EFR3A: variants seen among roughly 807,000 people sequenced by gnomAD.
EFR3A encodes the protein protein EFR3 homolog A.
In EFR3A, 76 loss-of-function variants were observed where a neutral mutation model predicts 104.4. That is an observed-to-expected ratio of 0.73 (90% confidence interval 0.60 to 0.88). The LOEUF (loss-of-function observed/expected upper bound fraction) is 0.88, where lower values mean the gene tolerates loss of function less well. EFR3A is among the 40% of genes least tolerant of loss of function. EFR3A has a pLI of 0.00. For missense variants in EFR3A, 985 were observed against 1,012.5 expected (o/e 0.97, Z 0.37); for synonymous variants, 330 against 330.0 (o/e 1.00, Z 0.00).
Position 131,977,112 on chromosome 8 carries a change from T to G in EFR3A, c.1326+20T>G. On this transcript the variant is annotated intron_variant, in intron 12 of 22. Coordinates refer to ENST00000254624, the MANE Select transcript of EFR3A (RefSeq NM_015137.6). The stretch of plus-strand genomic sequence containing the variant: ...CTTATGGTAAGGCATTTAAGACAAA[T>G]AAAGGACACACTTAACCTTAAATTA... The G allele has an allele frequency of 6.4e-7, 1 of 1,570,724 alleles. No homozygotes were observed. The highest frequency in any genetic ancestry group is 8.7e-7 in the Non-Finnish European group (1 of 1,150,000).
chr8:131,992,424 C>A (rs1333958072), intron 18 of EFR3A, among the ~76,000 whole-genome samples: 1 of 152,146 alleles, frequency 6.6e-6, no homozygotes, highest in East Asian at 1.9e-4. Context: ...AGCCTTCATG[C>A]AGTAGAACCT....
chr8:131,928,149 T>C (rs1817397882), intron 1 of EFR3A, among the ~76,000 whole-genome samples: 1 of 151,876 alleles, frequency 6.6e-6, no homozygotes, highest in Non-Finnish European at 1.5e-5. Context: ...CCTAATTGAT[T>C]GGTTGACTAG....
At chr8:131,969,974 C>T (rs369097490) in intron 9 of EFR3A, among the ~76,000 whole-genome samples, 10 of 152,044 alleles carry the variant, frequency 6.6e-5, no homozygotes, top group South Asian at 2.1e-4. Flanking sequence ...ATACAAAAAG[C>T]GAGAACAAAT....
At chr8:131,964,845 A>G (rs1044249365) in intron 8 of EFR3A, among the ~76,000 whole-genome samples, 1 of 152,228 alleles carries the variant, frequency 6.6e-6, no homozygotes, top group Admixed American at 6.5e-5. Flanking sequence ...CCAAAACAGC[A>G]TGGTACTGGT....
At chr8:131,975,493 C>T (rs1018698751) in intron 10 of EFR3A, among the ~76,000 whole-genome samples, 3 of 148,426 alleles carry the variant, frequency 2.0e-5, no homozygotes, top group Non-Finnish European at 3.0e-5. Flanking sequence ...CTTGGCTCAC[C>T]GCGACCTCCA....
chr8:131,911,959 G>A (rs1380963091), intron 1 of EFR3A, among the ~76,000 whole-genome samples: 1 of 152,200 alleles, frequency 6.6e-6, no homozygotes, highest in East Asian at 1.9e-4. Flanking sequence ...GGGAAAGTTA[G>A]AGTAATATTT....
At chr8:132,008,794 C>T (rs1822167712) in intron 22 of EFR3A, among the ~76,000 whole-genome samples, 2 of 117,880 alleles carry the variant, frequency 1.7e-5, no homozygotes, top group Admixed American at 1.2e-4. Context: ...TACAGTGAGC[C>T]AAGATCACAC....
At position 131,926,552 on chromosome 8, in the gene EFR3A, T is replaced by C. The variant is rs374561625; in HGVS notation, c.11-13947T>C. ...ATTACATTTTAAGATATATGTCTGCTTACTGCCAAAACTTATTTACTTTAT... is the reference window on the plus strand; with the variant it reads ...ATTACATTTTAAGATATATGTCTGCCTACTGCCAAAACTTATTTACTTTAT... On this transcript the variant is annotated intron_variant, in intron 1 of 22. Transcript: ENST00000254624. Among the ~76,000 whole-genome samples the C allele has an allele frequency of 5.3e-5, 8 of 152,280 alleles. No homozygotes were observed. In the East Asian group the frequency reaches 1.4e-3, roughly 26 times the overall value.
chr8:132,001,436 C>T (rs904965032), intron 19 of EFR3A, among the ~76,000 whole-genome samples: 19 of 152,092 alleles, frequency 1.2e-4, no homozygotes, highest in African/African-American at 4.4e-4. Flanking sequence ...GTCAGTGGGA[C>T]TCAAATCTTC....
At chr8:131,923,502 GT>G (rs917163877) in intron 1 of EFR3A, among the ~76,000 whole-genome samples, 2,329 of 111,508 alleles carry the variant, frequency 0.021, 24 homozygotes, top group African/African-American at 0.043. Flanking sequence ...ATGTCAGGGT[GT>G]TTTTTTTTTT....
At chr8:131,954,396 C>G (rs1818871631) in intron 6 of EFR3A, among the ~76,000 whole-genome samples, 2 of 151,832 alleles carry the variant, frequency 1.3e-5, no homozygotes, top group South Asian at 4.1e-4. Flanking sequence ...GCTACCCACA[C>G]TGTATTTTAT....
intron 19 of EFR3A, among the ~76,000 whole-genome samples, chr8:131,997,095 G>A (rs1821533814): frequency 6.6e-6 from 1 of 152,010 alleles, no homozygotes; most frequent in Admixed American, 6.6e-5. Context: ...AAAAGCACAA[G>A]AGTGTACCCT....
In EFR3A at chr8:132,002,835, G is replaced by T. The variant is rs1821852001; in HGVS notation, c.2310+129G>T. 3 of 694,172 alleles carry T rather than the reference G, an allele frequency of 4.3e-6. No individual in the cohort carries two copies. In the East Asian group the frequency reaches 8.2e-5, roughly 19 times the overall value. The allele number at this position is 694,172 out of a possible 1,614,324, so 43.0% of individuals were successfully genotyped here. A position where few individuals can be genotyped will look rare whatever the true frequency, so the allele number is the denominator to read the frequency against. ...AACACAGGAAAATATATCAGATAAGGACTGAAACTCTGAAGGCATATCTAT... is the reference window on the plus strand; with the variant it reads ...AACACAGGAAAATATATCAGATAAGTACTGAAACTCTGAAGGCATATCTAT... On this transcript the variant is annotated intron_variant, in intron 21 of 22. Transcript: ENST00000254624.
chr8:131,924,143 A>G (rs1300029397), intron 1 of EFR3A: 3 of 440,168 alleles, frequency 6.8e-6, no homozygotes, highest in African/African-American at 6.1e-5. Context: ...GGACCAATGT[A>G]GAGATCATTT....
At position 131,940,533 on chromosome 8, in the gene EFR3A, CT is replaced by C; in HGVS notation, c.46del (p.Tyr16ThrfsTer18). 6.2e-7 allele frequency: 1 copy of C among 1,607,734 alleles called. No individual in the cohort carries two copies. The highest frequency in any genetic ancestry group is 1.3e-5 in the African/African-American group (1 of 74,428). ...GCTGCTGTTCCGCTTTGCGTCCTCG[CT>C]ACAAACGCCTGGTGGACAACATATT... ...CCCCSALRPR[Y>X]KRLVDNIFPE... On this transcript the variant is annotated frameshift_variant, in exon 2 of 23. Transcript: ENST00000254624. LOFTEE classifies it high-confidence loss of function.
At chr8:131,944,515 C>A (rs961672947) in intron 2 of EFR3A, among the ~76,000 whole-genome samples, 1 of 151,982 alleles carries the variant, frequency 6.6e-6, no homozygotes, top group Non-Finnish European at 1.5e-5. Context: ...ATGTTAGAGT[C>A]TAATTCACTG....
chr8:131,964,023 G>A (rs55668318), intron 8 of EFR3A, among the ~76,000 whole-genome samples: 19 of 151,974 alleles, frequency 1.3e-4, no homozygotes, highest in East Asian at 3.9e-4. Context: ...ATTCAACAAC[G>A]CTTCATGCTA....
rs530869506 is a variant in EFR3A at position 131,915,968 on chromosome 8, G to A, written c.10+11646G>A. ...ACATATGGACACCAACAGGGGTGTC[G>A]TCCCTGCCCTCATGGATCTTGGTCT... On this transcript the variant is annotated intron_variant, in intron 1 of 22. Transcript: ENST00000254624. Among the ~76,000 whole-genome samples the A allele has an allele frequency of 7.2e-5, 11 of 152,274 alleles. No homozygotes were observed. The South Asian group carries it at 1.5e-3, about 20-fold the overall frequency.
chr8:131,904,356 A>T, intron 1 of EFR3A, 34 bp downstream of exon 1: 2 of 1,245,222 alleles, frequency 1.6e-6, no homozygotes, highest in Non-Finnish European at 2.0e-6. Flanking sequence ...GGGCGTTGGG[A>T]GGCGACTGCC....
Sources: gnomAD v4.1 joint callset for allele counts (sites outside exome capture counted in the v4.1 genomes callset) on GRCh38, gnomAD v4.1.1 for gene constraint, MANE v1.5 for transcripts, NCBI Gene and HGNC (gene_info 2026-07-23, HGNC 2026-07-21) for gene names.